The following DSG2 variants were observed in gnomAD, a reference collection of about 807,000 sequenced individuals.
DSG2 encodes the protein desmoglein 2.
In DSG2, 45 loss-of-function variants were observed where a neutral mutation model predicts 75.6. That is an observed-to-expected ratio of 0.60 (90% CI 0.47 to 0.76). The LOEUF is 0.76. Among genes scored for constraint, DSG2 ranks in the 30% least tolerant of loss-of-function variants. The pLI is 0.00. For synonymous variants in DSG2, 429 were observed against 483.9 expected, an observed-to-expected ratio of 0.89 and a Z score of 1.49; for missense variants, 1,267 against 1,357.4, an observed-to-expected ratio of 0.93 and a Z score of 1.05.
intron 8 of DSG2, among the ~76,000 whole-genome samples, chr18:31,529,395 T>C (rs1298203308): frequency 1.3e-5 from 2 of 152,208 alleles, no homozygotes; most frequent in South Asian, 2.1e-4. Flanking sequence ...ATTTTATTTC[T>C]CATCCGGCAT....
At chr18:31,498,405 C>CA in intron 1 of DSG2, 109 bp downstream of exon 1, 1 of 1,156,034 alleles carries the variant, frequency 8.7e-7, no homozygotes, top group Non-Finnish European at 1.1e-6. Context: ...CGTTACCTGC[C>CA]CGGCGCTCCT....
At chr18:31,528,838 A>G (rs1316863294) in intron 8 of DSG2, among the ~76,000 whole-genome samples, 1 of 152,164 alleles carries the variant, frequency 6.6e-6, no homozygotes, top group Non-Finnish European at 1.5e-5. Context: ...TAGAAAGCAG[A>G]CTGGGATTGC....
chr18:31,528,706 T>A (rs1433274815), intron 8 of DSG2, among the ~76,000 whole-genome samples: 11 of 135,838 alleles, frequency 8.1e-5, no homozygotes, highest in Admixed American at 3.8e-4. Context: ...CAAGACTCCA[T>A]CTCAAAAAAA....
At chr18:31,503,082 T>A (rs895148651) in intron 1 of DSG2, among the ~76,000 whole-genome samples, 1 of 152,104 alleles carries the variant, frequency 6.6e-6, no homozygotes, top group African/African-American at 2.4e-5. Context: ...GAAATGTCCA[T>A]AAGAAAAGAA....
intron 8 of DSG2, among the ~76,000 whole-genome samples, chr18:31,528,709 CAAA>C (rs561370463): frequency 4.0e-5 from 3 of 74,796 alleles, no homozygotes; most frequent in Non-Finnish European, 5.8e-5. Context: ...GACTCCATCT[CAAA>C]AAAAAAAAAA....
intron 9 of DSG2, among the ~76,000 whole-genome samples, chr18:31,534,508 ATTTTT>A (rs80270967): frequency 3.6e-5 from 4 of 112,584 alleles, no homozygotes; most frequent in East Asian, 2.9e-4. Context: ...ATGATCATTG[ATTTTT>A]TTTTTTTTTT....
intron 1 of DSG2, among the ~76,000 whole-genome samples, chr18:31,515,755 T>G (rs1286985007): frequency 6.6e-6 from 1 of 152,206 alleles, no homozygotes; most frequent in East Asian, 1.9e-4. Flanking sequence ...CTGCTCTCCT[T>G]GAGTTTCTCT....
intron 9 of DSG2, among the ~76,000 whole-genome samples, chr18:31,533,056 A>C (rs146005444): frequency 6.6e-6 from 1 of 152,322 alleles, no homozygotes; most frequent in East Asian, 1.9e-4. Context: ...GAATTTTAGA[A>C]AGAAAAGGTC....
At chr18:31,539,055 A>G (rs761171500) in intron 12 of DSG2, 77 bp downstream of exon 12, 8 of 1,375,184 alleles carry the variant, frequency 5.8e-6, no homozygotes, top group Non-Finnish European at 8.2e-6. Flanking sequence ...TATGGTAGTC[A>G]TTGATTTCTT....
intron 1 of DSG2, among the ~76,000 whole-genome samples, chr18:31,501,390 T>C: frequency 6.6e-6 from 1 of 152,178 alleles, no homozygotes; most frequent in East Asian, 1.9e-4. Flanking sequence ...ATATATTTAG[T>C]AGGGTATTAG....
Position 31,541,329 on chromosome 18 carries a change from T to C in DSG2, c.2001+15T>C. 1 of 1,613,862 alleles carries C rather than the reference T, an allele frequency of 6.2e-7. No homozygotes were observed. Among genetic ancestry groups the C allele is most frequent in the South Asian group, 1.1e-5 (1 of 91,038 alleles). ...CTGAAGACAAGGTCAGTGGATCAGA[T>C]GTCAATATGACTTGTCTTCTTCTTG... On this transcript the variant is annotated intron_variant, in intron 13 of 14. Coordinates refer to ENST00000261590, the MANE Select transcript of DSG2 (RefSeq NM_001943.5).
rs776975980 is a variant in DSG2 at position 31,498,306 on chromosome 18, G to T, written c.45+10G>T. 52 of 1,262,276 alleles carry T rather than the reference G, an allele frequency of 4.1e-5. No individual in the cohort carries two copies. The highest frequency in any genetic ancestry group is 5.1e-5 in the Non-Finnish European group (51 of 997,720). The allele number at this position is 1,262,276 out of a possible 1,614,324, so 78.2% of individuals were successfully genotyped here. On this transcript the variant is annotated intron_variant, in intron 1 of 14. Transcript: ENST00000261590. ...CCTGCTGCTTCTCCTGGTAAGTGCC[G>T]CAAGCGGGACAGGGGAGCCACCGCC...
At position 31,545,373 on chromosome 18, in the gene DSG2, A is replaced by G. The variant is rs534815112; in HGVS notation, c.2335-348A>G. ...CAGTTAACAAATGTAGAACTTTAAT[A>G]TTGACATAGTCCATATTTCAGTTTA... is the stretch of plus-strand genomic sequence containing the variant. On this transcript the variant is annotated intron_variant, in intron 14 of 14. Coordinates refer to ENST00000261590, the MANE Select transcript of DSG2 (RefSeq NM_001943.5). Among the ~76,000 whole-genome samples the G allele has an allele frequency of 5.9e-5, 9 of 152,320 alleles. No individual in the cohort carries two copies. In the South Asian group the frequency reaches 1.9e-3, roughly 32 times the overall value.
At chr18:31,498,422 T>C in intron 1 of DSG2, 126 bp downstream of exon 1, 2 of 1,050,688 alleles carry the variant, frequency 1.9e-6, no homozygotes, top group Non-Finnish European at 2.4e-6. Context: ...TCCTTCCTGC[T>C]GCCCGAGGGG....
intron 1 of DSG2, 94 bp from the exon 2 acceptor site, chr18:31,518,145 T>C: frequency 9.8e-7 from 1 of 1,023,206 alleles, no homozygotes; most frequent in East Asian, 2.5e-5. Flanking sequence ...TTTTTATGTC[T>C]ATAATATTCA....
chr18:31,520,770 C>T, intron 3 of DSG2, 33 bp from the exon 4 acceptor site: 1 of 1,609,304 alleles, frequency 6.2e-7, no homozygotes, highest in Non-Finnish European at 8.5e-7. Flanking sequence ...ACAGAGAGTT[C>T]AACCTGAAAC....
At chr18:31,544,138 A>G (rs571069545) in intron 14 of DSG2, among the ~76,000 whole-genome samples, 115 of 152,218 alleles carry the variant, frequency 7.6e-4, no homozygotes, top group Non-Finnish European at 1.4e-3. Flanking sequence ...ATCAGTAAGC[A>G]TATAGAAAAC....
rs757120095 is a variant in DSG2, at chr18:31,546,005, A to G, written c.2619A>G (p.Gln873=). 2.5e-6 allele frequency: 4 copies of G among 1,614,070 alleles called. No homozygotes were observed. The highest frequency in any genetic ancestry group is 3.4e-6 in the Non-Finnish European group (4 of 1,180,044). The part of the protein sequence containing the change: ...MNTASHSLCE[Q]TMVNSENTYS... ...CAGCTTCACATTCACTCTGTGAGCA[A>G]ACTATGGTTAATTCAGAGAATACCT... Residue 873 remains glutamine, a synonymous_variant, in exon 15 of 15, where the codon CAA becomes CAG. Transcript: ENST00000261590.
At chr18:31,536,979 T>A (rs2073234884) in intron 11 of DSG2, among the ~76,000 whole-genome samples, 1 of 152,216 alleles carries the variant, frequency 6.6e-6, no homozygotes, top group African/African-American at 2.4e-5. Context: ...TCAGTGGACA[T>A]GTCCATATGT....
Sources: allele counts gnomAD v4.1 joint callset (sites outside exome capture counted in the v4.1 genomes callset), GRCh38; gene constraint gnomAD v4.1.1; transcripts MANE v1.5; gene names NCBI Gene and HGNC (gene_info 2026-07-23, HGNC 2026-07-21).